The following ERCC6L2 variants were observed in gnomAD, a reference collection of about 807,000 sequenced individuals.
ERCC6L2 encodes ERCC excision repair 6 like 2.
In ERCC6L2, 77 loss-of-function variants were observed where a neutral mutation model predicts 132.0. That is an observed-to-expected ratio of 0.58 (90% CI 0.49 to 0.71). ERCC6L2 has a LOEUF of 0.71. Among genes scored for constraint, ERCC6L2 ranks in the 30% least tolerant of loss-of-function variants. ERCC6L2 has a pLI of 0.00. For missense variants in ERCC6L2, 1,542 were observed against 1,837.6 expected, an observed-to-expected ratio of 0.84 and a Z score of 2.94; for synonymous variants, 583 against 632.4, an observed-to-expected ratio of 0.92 and a Z score of 1.17.
intron 12 of ERCC6L2, among the ~76,000 whole-genome samples, chr9:95,947,836 G>C (rs898978274): frequency 2.6e-5 from 4 of 152,146 alleles, no homozygotes; most frequent in Non-Finnish European, 2.9e-5. Flanking sequence ...TTTACAGGAT[G>C]GTTTACTGAA....
chr9:95,918,890 C>T (rs993886042), intron 6 of ERCC6L2, among the ~76,000 whole-genome samples: 19 of 151,312 alleles, frequency 1.3e-4, no homozygotes, highest in African/African-American at 2.2e-4. Context: ...TTTTTTAAGA[C>T]GGAGTCTCAC....
At position 95,889,885 on chromosome 9, in the gene ERCC6L2, G is replaced by A. The variant is rs1449281814; in HGVS notation, c.472-7964G>A. On this transcript the variant is annotated intron_variant, in intron 2 of 18. Transcript: ENST00000653738. ...ATCAAAGATCTTTTACTTAGGTGGT[G>A]TTAACAATATTTAAATTGTCCAATG... is the stretch of plus-strand genomic sequence containing the variant. Among the ~76,000 whole-genome samples, 4 of 152,198 alleles carry A rather than the reference G, an allele frequency of 2.6e-5. No individual in the cohort carries two copies. The East Asian group carries it at 7.7e-4, about 29-fold the overall frequency.
At chr9:95,943,618 T>C (rs1376280788) in intron 12 of ERCC6L2, among the ~76,000 whole-genome samples, 1 of 152,072 alleles carries the variant, frequency 6.6e-6, no homozygotes, top group Non-Finnish European at 1.5e-5. Context: ...TGATAAAGTA[T>C]TAATATCTAG....
At chr9:95,899,600 A>ATGTTTGTG (rs1828656663) in intron 3 of ERCC6L2, among the ~76,000 whole-genome samples, 1 of 134,820 alleles carries the variant, frequency 7.4e-6, no homozygotes, top group Non-Finnish European at 1.6e-5. Context: ...TTATATATAT[A>ATGTTTGTG]TGTGTGTGTG....
Position 95,923,319 on chromosome 9 carries a change from G to T in ERCC6L2, c.1473G>T (p.Gln491His). The change falls in exon 9 of 19, where the codon CAG becomes CAT. Residue 491 changes from glutamine (Q) to histidine (H), a missense_variant. Gln to His is a conservative substitution (Grantham distance 24). This residue lies in a region of ERCC6L2 where 945 missense variants were observed against 1,105.2 expected (regional missense o/e 0.86). Transcript: ENST00000653738. Reference protein sequence around the residue: ...QVFSRFPDFVQKSKDAAFETL... With the variant: ...QVFSRFPDFVHKSKDAAFETL... ...TTTCCAGATTCCCAGATTTTGTGCAGAAAAGCAAAGATGCAGCCTTTGAAA... is the reference window on the plus strand; with the variant it reads ...TTTCCAGATTCCCAGATTTTGTGCATAAAAGCAAAGATGCAGCCTTTGAAA... 6.2e-7 allele frequency: 1 copy of T among 1,613,866 alleles called. No homozygotes were observed. The highest frequency in any genetic ancestry group is 8.5e-7 in the Non-Finnish European group (1 of 1,179,870).
At chr9:95,951,024 C>CTT (rs1294499580) in intron 12 of ERCC6L2, among the ~76,000 whole-genome samples, 1 of 152,154 alleles carries the variant, frequency 6.6e-6, no homozygotes, top group Non-Finnish European at 1.5e-5. Flanking sequence ...AGAATACATA[C>CTT]TTTTCTTAAG....
At chr9:95,978,785 C>A (rs1005602684) in intron 17 of ERCC6L2, among the ~76,000 whole-genome samples, 3 of 152,092 alleles carry the variant, frequency 2.0e-5, no homozygotes, top group East Asian at 1.9e-4. Context: ...GCTTATTATT[C>A]TTTATTATTT....
chr9:95,978,279 G>A (rs1278443480), intron 17 of ERCC6L2, 64 bp downstream of exon 17: 13 of 1,126,388 alleles, frequency 1.2e-5, no homozygotes, highest in Non-Finnish European at 1.5e-5. Flanking sequence ...TTACTCAATA[G>A]GATCTTCTCT....
intron 9 of ERCC6L2, among the ~76,000 whole-genome samples, chr9:95,924,202 T>G (rs1289643261): frequency 6.6e-6 from 1 of 151,328 alleles, no homozygotes; most frequent in African/African-American, 2.4e-5. Flanking sequence ...CAGTTTTTGT[T>G]TTTTTTTTAT....
At chr9:96,027,028 A>C (rs1834384484) in intron 19 of ERCC6L2, among the ~76,000 whole-genome samples, 1 of 142,894 alleles carries the variant, frequency 7.0e-6, no homozygotes, top group East Asian at 2.1e-4. Flanking sequence ...CACATACCCC[A>C]CACACATACC....
chr9:95,955,734 A>G (rs1587973459), intron 12 of ERCC6L2, among the ~76,000 whole-genome samples, 180 bp from the exon 13 acceptor site: 1 of 152,198 alleles, frequency 6.6e-6, no homozygotes, highest in African/African-American at 2.4e-5. Context: ...CTCCTTAATA[A>G]GCTTTTTATA....
At chr9:95,978,609 A>G (rs996207002) in intron 17 of ERCC6L2, among the ~76,000 whole-genome samples, 18 of 152,076 alleles carry the variant, frequency 1.2e-4, no homozygotes, top group Non-Finnish European at 2.5e-4. Context: ...AACATAGAAA[A>G]CTCATTTCAT....
intron 3 of ERCC6L2, among the ~76,000 whole-genome samples, chr9:95,906,015 A>G (rs370620876): frequency 6.6e-6 from 1 of 152,296 alleles, no homozygotes; most frequent in South Asian, 2.1e-4. Context: ...AAAAAGTTAA[A>G]ATGGTTGATG....
chr9:96,013,253 G>C lies in ERCC6L2; in HGVS notation c.*50G>C. 7.9e-7 allele frequency: 1 copy of C among 1,272,262 alleles called. No homozygotes were observed. Among genetic ancestry groups the C allele is most frequent in the Non-Finnish European group, 1.0e-6 (1 of 969,926 alleles). The allele number at this position is 1,272,262 out of a possible 1,614,324, so 78.8% of individuals were successfully genotyped here. A position where few individuals can be genotyped will look rare whatever the true frequency, so the allele number is the denominator to read the frequency against. ...GTAAACTGCTGCCATCACTGTTTAC[G>C]GCACTGGATTCCACACTGATTCTAT... On this transcript the variant is annotated 3_prime_UTR_variant, in exon 19 of 19. Transcript: ENST00000653738.
At chr9:95,951,909 C>G (rs188630178) in intron 12 of ERCC6L2, among the ~76,000 whole-genome samples, 4 of 152,128 alleles carry the variant, frequency 2.6e-5, no homozygotes, top group Non-Finnish European at 1.5e-5. Context: ...GTGGCTCACA[C>G]CTGTAATCCC....
chr9:96,021,640 C>G (rs1296702485), downstream of ERCC6L2: 1 of 154,892 alleles, frequency 6.5e-6, no homozygotes, highest in Non-Finnish European at 1.4e-5. The surrounding 1 kb of genome is among the most constrained non-coding windows in gnomAD (Gnocchi z 4.7). Context: ...CCTCCGCAGG[C>G]CGCCGGGGGC....
intron 2 of ERCC6L2, among the ~76,000 whole-genome samples, chr9:95,894,656 G>T (rs956992229): frequency 2.3e-4 from 33 of 140,570 alleles, no homozygotes; most frequent in Non-Finnish European, 3.0e-5. Context: ...GTGCAATGGC[G>T]TGATCTTGGC....
intron 13 of ERCC6L2, among the ~76,000 whole-genome samples, chr9:95,958,583 G>A (rs1361263351): frequency 6.6e-6 from 1 of 152,066 alleles, no homozygotes; most frequent in Non-Finnish European, 1.5e-5. Flanking sequence ...TTGTGGTTTT[G>A]ATTTGCATTT....
rs1474647284 is a variant in ERCC6L2, at chr9:95,920,786, AT to A, written c.1159-381del. 2.0e-5 allele frequency among the ~76,000 whole-genome samples: 3 copies of A among 151,868 alleles called. No homozygotes were observed. In the South Asian group the frequency reaches 6.3e-4, roughly 32 times the overall value. On this transcript the variant is annotated intron_variant, in intron 6 of 18. Transcript: ENST00000653738. ...AAATTAGTTTATAGCAATTTTCACT[AT>A]TTTTTTTGAGACAGAGTCTCGCTCT...
Sources: allele counts gnomAD v4.1 joint callset (sites outside exome capture counted in the v4.1 genomes callset), GRCh38; gene constraint gnomAD v4.1.1; regional missense constraint gnomAD v4.1.1; non-coding constraint Gnocchi (gnomAD v3.1); transcripts MANE v1.5; gene names NCBI Gene and HGNC (gene_info 2026-07-23, HGNC 2026-07-21).